PCLO: variants seen among roughly 807,000 people sequenced by gnomAD.
PCLO encodes the protein protein piccolo.
A neutral mutation model predicts 427.5 loss-of-function variants in PCLO; 82 were observed. The ratio of observed to expected loss-of-function variants is 0.19; its 90% CI spans 0.16 to 0.23. The LOEUF is 0.23. Among genes scored for constraint, PCLO ranks in the 10% least tolerant of loss-of-function variants. The pLI is 1.00. For missense variants in PCLO, 6,239 were observed against 6,115.9 expected (o/e 1.02, Z -0.67); for synonymous variants, 2,357 against 2,155.4 (o/e 1.09, Z -2.59).
chr7:83,064,525 A>AT (rs1789617257), intron 3 of PCLO, among the ~76,000 whole-genome samples: 1 of 152,050 alleles, frequency 6.6e-6, no homozygotes, highest in African/African-American at 2.4e-5. Flanking sequence ...AGGATTAAAG[A>AT]AAATGGTGTT....
intron 22 of PCLO, among the ~76,000 whole-genome samples, chr7:82,768,023 G>A (rs1790568232): frequency 6.6e-6 from 1 of 151,792 alleles, no homozygotes; most frequent in Non-Finnish European, 1.5e-5. Flanking sequence ...GGAGGGAGGA[G>A]GAACTTGAAG....
At chr7:82,939,808 G>A (rs1372676698) in intron 6 of PCLO, among the ~76,000 whole-genome samples, 1 of 150,472 alleles carries the variant, frequency 6.6e-6, no homozygotes, top group Non-Finnish European at 1.5e-5. Context: ...TAAACCATGT[G>A]AAATAGCTCC....
rs1795285383 is a variant in PCLO at position 82,949,665 on chromosome 7, T to C, written c.10923A>G (p.Val3641=). Residue 3641 remains valine (V), a synonymous_variant, in exon 6 of 25, where the codon GTA becomes GTG. Coordinates refer to ENST00000333891, the MANE Select transcript of PCLO (RefSeq NM_033026.6). Reference sequence around the variant, plus strand: ...CATCAGGGAGGGGTTTTTCATAAGGTACAAAGGCTGATTCTAAGGCTTTGC... The same window carrying C: ...CATCAGGGAGGGGTTTTTCATAAGGCACAAAGGCTGATTCTAAGGCTTTGC... ...SPGKALESAF[V]PYEKPLPDDI... 6.2e-7 allele frequency: 1 copy of C among 1,613,682 alleles called. No individual in the cohort carries two copies. The highest frequency in any genetic ancestry group is 8.5e-7 in the Non-Finnish European group (1 of 1,179,840).
intron 3 of PCLO, among the ~76,000 whole-genome samples, chr7:83,055,098 C>A (rs371497379): frequency 1.1e-4 from 16 of 152,106 alleles, no homozygotes; most frequent in African/African-American, 3.6e-4. Flanking sequence ...TTCATCACTA[C>A]AGGAAACAGC....
intron 3 of PCLO, among the ~76,000 whole-genome samples, chr7:83,107,986 TAAAAAAAAAAAAAA>T: frequency 2.1e-5 from 2 of 95,410 alleles, no homozygotes; most frequent in South Asian, 3.8e-4. Flanking sequence ...AGACTCCGTC[TAAAAAAAAAAAAAA>T]AAAAAAAAAA....
intron 3 of PCLO, among the ~76,000 whole-genome samples, chr7:83,010,618 C>T (rs913685451): frequency 1.3e-5 from 2 of 150,204 alleles, no homozygotes; most frequent in Non-Finnish European, 3.0e-5. Context: ...TTTCATATTC[C>T]TATTACCATC....
At chr7:83,097,486 C>T (rs1790619532) in intron 3 of PCLO, among the ~76,000 whole-genome samples, 1 of 146,432 alleles carries the variant, frequency 6.8e-6, no homozygotes, top group Non-Finnish European at 1.5e-5. Flanking sequence ...CCTGCCACTG[C>T]ACTCCAGCCT....
chr7:82,758,409 G>T lies in PCLO; in HGVS notation c.*166C>A. On this transcript the variant is annotated 3_prime_UTR_variant, in exon 25 of 25. Coordinates refer to ENST00000333891, the MANE Select transcript of PCLO (RefSeq NM_033026.6). ...TGAACTTTTTCAGTTGAATATCTTTGTGTGATCCACAACAATAAATGTACA... is the reference window on the plus strand; with the variant it reads ...TGAACTTTTTCAGTTGAATATCTTTTTGTGATCCACAACAATAAATGTACA... 3 of 517,736 alleles carry T rather than the reference G, an allele frequency of 5.8e-6. No individual in the cohort carries two copies. Among genetic ancestry groups the T allele is most frequent in the South Asian group, 4.0e-5 (1 of 24,744 alleles). 32.1% of individuals were successfully genotyped at this position (517,736 alleles called of 1,614,324 possible).
chr7:82,870,438 T>G (rs1793205773), intron 10 of PCLO, among the ~76,000 whole-genome samples: 1 of 151,908 alleles, frequency 6.6e-6, no homozygotes, highest in Non-Finnish European at 1.5e-5. Context: ...AAATAAACTC[T>G]AAATGAACTA....
chr7:83,084,517 A>G (rs1245390197), intron 3 of PCLO, among the ~76,000 whole-genome samples: 1 of 152,154 alleles, frequency 6.6e-6, no homozygotes, highest in Non-Finnish European at 1.5e-5. Flanking sequence ...AAATTAAATA[A>G]TAATTAAAGG....
rs1228133991 is a variant in PCLO, at chr7:83,155,922, G to C, written c.719C>G (p.Ser240Cys). The C allele has an allele frequency of 6.2e-7, 1 of 1,613,884 alleles. No homozygotes were observed. The highest frequency in any genetic ancestry group is 1.7e-5 in the Admixed American group (1 of 59,996). ...TTTAATTTTTTCTGGTTGTTGAGAAGATATTGATTTGGGAGTGCCATCCTG... is the reference window on the plus strand; with the variant it reads ...TTTAATTTTTTCTGGTTGTTGAGAACATATTGATTTGGGAGTGCCATCCTG... ...LQQDGTPKSI[S>C]SQQPEKIKSQ... Residue 240 changes from serine (S) to cysteine (C), a missense_variant, in exon 2 of 25, where the codon TCT becomes TGT. Coordinates refer to ENST00000333891, the MANE Select transcript of PCLO (RefSeq NM_033026.6).
At chr7:82,942,674 A>T in intron 6 of PCLO, among the ~76,000 whole-genome samples, 1 of 152,100 alleles carries the variant, frequency 6.6e-6, no homozygotes, top group East Asian at 1.9e-4. Context: ...AATGACCATA[A>T]ATTATTTTAC....
In PCLO at chr7:82,902,702, G is replaced by A. The variant is rs1444322025; in HGVS notation, c.13477C>T (p.Pro4493Ser). The A allele has an allele frequency of 6.2e-7, 1 of 1,602,536 alleles. No homozygotes were observed. Among genetic ancestry groups the A allele is most frequent in the Non-Finnish European group, 8.5e-7 (1 of 1,170,674 alleles). ...MNGKTMHYIF[P>S]HARIKITRDS... Reference sequence around the variant, plus strand: ...CTTGTTATTTTTATCCTTGCGTGAGGAAAGATGTAGTGCATAGTTTTCCCG... The same window carrying A: ...CTTGTTATTTTTATCCTTGCGTGAGAAAAGATGTAGTGCATAGTTTTCCCG... The change falls in exon 9 of 25, where the codon CCT (proline) becomes TCT (serine). Residue 4493 changes from proline (P) to serine (S), a missense_variant. Pro to Ser is a moderately conservative substitution (Grantham distance 74). Coordinates refer to ENST00000333891, the MANE Select transcript of PCLO (RefSeq NM_033026.6).
At chr7:83,076,345 CT>C (rs1175379709) in intron 3 of PCLO, among the ~76,000 whole-genome samples, 1 of 151,996 alleles carries the variant, frequency 6.6e-6, no homozygotes, top group Non-Finnish European at 1.5e-5. Flanking sequence ...TCTCTGCAAC[CT>C]CCAGCTCCCA....
At chr7:82,796,713 T>G (rs1354297138) in intron 22 of PCLO, among the ~76,000 whole-genome samples, 1 of 150,464 alleles carries the variant, frequency 6.6e-6, no homozygotes, top group African/African-American at 2.5e-5. Context: ...AAATATACAA[T>G]AGGTGTGGTA....
chr7:82,860,803 A>G (rs1174319672), intron 10 of PCLO, among the ~76,000 whole-genome samples: 1 of 152,098 alleles, frequency 6.6e-6, no homozygotes, highest in African/African-American at 2.4e-5. Context: ...ACAAAAAGTT[A>G]AAAAGTGGGG....
At chr7:83,014,133 T>A (rs1024398178) in intron 3 of PCLO, among the ~76,000 whole-genome samples, 1 of 152,150 alleles carries the variant, frequency 6.6e-6, no homozygotes, top group African/African-American at 2.4e-5. Flanking sequence ...ACTGTATGTA[T>A]CTTCCCTTAA....
At chr7:83,075,221 T>C (rs1789921446) in intron 3 of PCLO, among the ~76,000 whole-genome samples, 1 of 152,120 alleles carries the variant, frequency 6.6e-6, no homozygotes, top group African/African-American at 2.4e-5. Flanking sequence ...CTAAGTAGTA[T>C]CGAGACATTT....
rs1384331903 is a variant in PCLO, at chr7:82,818,668, C to A, written c.14791+3827G>T. Among the ~76,000 whole-genome samples the A allele has an allele frequency of 3.3e-5, 5 of 152,102 alleles. No individual in the cohort carries two copies. The East Asian group carries it at 9.6e-4, about 29-fold the overall frequency. ...AATTATAACTCAAAAAGTCACAAGA[C>A]AATGTTATATTTGTCGGTTCTGAAA... On this transcript the variant is annotated intron_variant, in intron 20 of 24. Coordinates refer to ENST00000333891, the MANE Select transcript of PCLO (RefSeq NM_033026.6).
Sources: gnomAD v4.1 joint callset for allele counts (sites outside exome capture counted in the v4.1 genomes callset) on GRCh38, gnomAD v4.1.1 for gene constraint, MANE v1.5 for transcripts, NCBI Gene and HGNC (gene_info 2026-07-23, HGNC 2026-07-21) for gene names.